ZNF143: variants seen among roughly 807,000 people sequenced by gnomAD.
The protein encoded by ZNF143 is zinc finger protein 143.
In ZNF143, 49 loss-of-function variants were observed where a neutral mutation model predicts 74.1. The ratio of observed to expected loss-of-function variants is 0.66; its 90% CI spans 0.53 to 0.84. The LOEUF (loss-of-function observed/expected upper bound fraction) is 0.84, where lower values mean the gene tolerates loss of function less well. Among genes scored for constraint, ZNF143 ranks in the 40% least tolerant of loss-of-function variants. ZNF143 has a pLI of 0.00. For synonymous variants in ZNF143, 304 were observed against 282.8 expected (o/e 1.07, Z -0.75); for missense variants, 637 against 793.4 (o/e 0.80, Z 2.37).
intron 7 of ZNF143, among the ~76,000 whole-genome samples, chr11:9,486,429 T>TA (rs1554964464): frequency 6.6e-5 from 3 of 45,230 alleles, no homozygotes; most frequent in African/African-American, 1.5e-4. Flanking sequence ...ATTATATATA[T>TA]TATATATATA....
intron 11 of ZNF143, among the ~76,000 whole-genome samples, chr11:9,507,415 A>G (rs1365528863): frequency 6.6e-6 from 1 of 151,984 alleles, no homozygotes; most frequent in Non-Finnish European, 1.5e-5. Context: ...ATATTTACTC[A>G]TTTGCTCAGT....
rs1227029242 is a variant in ZNF143 at position 9,502,331 on chromosome 11, C to T, written c.1147+1061C>T. On this transcript the variant is annotated intron_variant, in intron 11 of 15. Transcript: ENST00000396602. ...ATTCATCTATTTAAAGTGTATGGGCCGGGCGCGGTGGCTCACGCCTGTAAT... is the reference window on the plus strand; with the variant it reads ...ATTCATCTATTTAAAGTGTATGGGCTGGGCGCGGTGGCTCACGCCTGTAAT... 3.3e-4 allele frequency among the ~76,000 whole-genome samples: 45 copies of T among 135,718 alleles called. 1 individual carries two copies. The highest frequency in any genetic ancestry group is 5.4e-4 in the Non-Finnish European group (35 of 64,320). 89.0% of individuals were successfully genotyped at this position (135,718 alleles called of 152,430 possible).
chr11:9,512,732 C>T (rs1371170115), intron 13 of ZNF143, 136 bp downstream of exon 13: 1 of 975,670 alleles, frequency 1.0e-6, no homozygotes, highest in South Asian at 1.6e-5. Flanking sequence ...TTTCAGTAGT[C>T]TGCTTACAGA....
At chr11:9,506,576 G>T (rs1325892159) in intron 11 of ZNF143, among the ~76,000 whole-genome samples, 1 of 152,176 alleles carries the variant, frequency 6.6e-6, no homozygotes, top group Non-Finnish European at 1.5e-5. Flanking sequence ...AATTGTACTG[G>T]GGTGAGGCCC....
At chr11:9,489,935 CTT>C (rs2134011559) in intron 7 of ZNF143, among the ~76,000 whole-genome samples, 1 of 152,250 alleles carries the variant, frequency 6.6e-6, no homozygotes, top group African/African-American at 2.4e-5. Context: ...AATCCAAACA[CTT>C]TGGGAGGCTG....
intron 11 of ZNF143, among the ~76,000 whole-genome samples, chr11:9,504,170 A>C (rs1417501887): frequency 6.6e-6 from 1 of 151,720 alleles, no homozygotes; most frequent in Non-Finnish European, 1.5e-5. Flanking sequence ...CATGTTGGCC[A>C]GGCTAGTCTC....
intron 7 of ZNF143, among the ~76,000 whole-genome samples, chr11:9,481,873 G>T (rs1486226993): frequency 7.9e-6 from 1 of 127,120 alleles, no homozygotes; most frequent in Non-Finnish European, 1.7e-5. Flanking sequence ...GGGCAACAGA[G>T]TGAGACTGTC....
At chr11:9,518,407 A>T (rs929705413) in intron 14 of ZNF143, among the ~76,000 whole-genome samples, 3 of 152,232 alleles carry the variant, frequency 2.0e-5, no homozygotes, top group Admixed American at 6.5e-5. Context: ...GATGTTCAAC[A>T]TCATTAGTCA....
chr11:9,484,433 A>G (rs1490677851), intron 7 of ZNF143, among the ~76,000 whole-genome samples: 3 of 150,370 alleles, frequency 2.0e-5, no homozygotes, highest in Admixed American at 1.3e-4. Flanking sequence ...CAGGCTGATC[A>G]CAAACTCCTG....
rs138960382 is a variant in ZNF143 at position 9,478,623 on chromosome 11, T to C, written c.570+37T>C. On this transcript the variant is annotated intron_variant, in intron 6 of 15. Transcript: ENST00000396602. ...CACAATGTCAAGAATGTTGCAGATA[T>C]AGCTTCTTTATTTTTCATGAAAAGA... 225 of 1,558,966 alleles carry C rather than the reference T, an allele frequency of 1.4e-4. 1 individual carries two copies. Among genetic ancestry groups the C allele is most frequent in the African/African-American group, 1.3e-3 (98 of 73,164 alleles).
rs914381471 is a variant in ZNF143, at chr11:9,506,239, G to C, written c.1148-2380G>C. On this transcript the variant is annotated intron_variant, in intron 11 of 15. Transcript: ENST00000396602. ...CCCAGCTACTCAGGAGGCTGAGGCA[G>C]GATAATCACTTGAATCCAGGAGGTG... is the stretch of plus-strand genomic sequence containing the variant. Among the ~76,000 whole-genome samples, 21 of 152,336 alleles carry C rather than the reference G, an allele frequency of 1.4e-4. No homozygotes were observed. The South Asian group carries it at 2.9e-3, about 21-fold the overall frequency.
intron 9 of ZNF143, among the ~76,000 whole-genome samples, 154 bp from the exon 10 acceptor site, chr11:9,497,521 G>A (rs952109442): frequency 3.3e-5 from 5 of 152,140 alleles, no homozygotes; most frequent in African/African-American, 7.2e-5. Context: ...GTGAGCCACC[G>A]TGCCCGGCCC....
At chr11:9,476,790 C>T (rs1336315066) in intron 5 of ZNF143, among the ~76,000 whole-genome samples, 25 of 92,626 alleles carry the variant, frequency 2.7e-4, no homozygotes, top group African/African-American at 8.2e-4. Context: ...GACAGACTCT[C>T]GCTCTCTCTC....
chr11:9,487,245 G>T (rs557630819), intron 7 of ZNF143, among the ~76,000 whole-genome samples: 3 of 151,698 alleles, frequency 2.0e-5, no homozygotes, highest in Admixed American at 6.6e-5. Context: ...GAGATTACAG[G>T]CGTGAGCCAC....
At chr11:9,461,986 T>C (rs992660524) in intron 1 of ZNF143, 1 of 152,206 alleles carries the variant, frequency 6.6e-6, no homozygotes, top group African/African-American at 2.4e-5. Flanking sequence ...GTGGTCGGCT[T>C]TGTCCTGAAT....
chr11:9,479,653 C>A, intron 7 of ZNF143, 107 bp downstream of exon 7: 1 of 845,750 alleles, frequency 1.2e-6, no homozygotes, highest in Non-Finnish European at 1.8e-6. Context: ...GAAAATCTCA[C>A]CAGTTCAGAA....
intron 7 of ZNF143, among the ~76,000 whole-genome samples, chr11:9,491,415 T>A (rs1267902472): frequency 6.6e-6 from 1 of 151,948 alleles, no homozygotes; most frequent in East Asian, 1.9e-4. Flanking sequence ...GGCAGGCGGA[T>A]CACGAGGTCA....
intron 12 of ZNF143, among the ~76,000 whole-genome samples, chr11:9,510,351 C>A (rs901433623): frequency 6.6e-6 from 1 of 152,092 alleles, no homozygotes; most frequent in Non-Finnish European, 1.5e-5. Context: ...GTCTCGATCT[C>A]CTGACCTCGT....
intron 15 of ZNF143, 130 bp from the exon 16 acceptor site, chr11:9,527,400 A>C: frequency 1.3e-6 from 1 of 743,120 alleles, no homozygotes; most frequent in Non-Finnish European, 2.3e-6. Flanking sequence ...AGTTAGCAGT[A>C]GTATTTTAAC....
Sources: allele counts gnomAD v4.1 joint callset (sites outside exome capture counted in the v4.1 genomes callset), GRCh38; gene constraint gnomAD v4.1.1; transcripts MANE v1.5; gene names NCBI Gene and HGNC (gene_info 2026-07-23, HGNC 2026-07-21).